The following LMTK2 variants were observed in gnomAD, a reference collection of about 807,000 sequenced individuals.
LMTK2 encodes lemur tail kinase 2.
Under a neutral mutation model 127.5 loss-of-function variants are expected in LMTK2, and 37 were observed. That is an observed-to-expected ratio of 0.29 (90% CI 0.22 to 0.38). The LOEUF is 0.38. Ranked by LOEUF, LMTK2 falls within the 10% of genes least tolerant of loss-of-function variation. The pLI is 1.00. For missense variants in LMTK2, 1,694 were observed against 1,920.3 expected, an observed-to-expected ratio of 0.88 and a Z score of 2.20; for synonymous variants, 819 against 810.1, an observed-to-expected ratio of 1.01 and a Z score of -0.19.
At chr7:98,151,313 A>G (rs1391489024) in intron 3 of LMTK2, 69 bp from the exon 4 acceptor site, 10 of 1,037,076 alleles carry the variant, frequency 9.6e-6, no homozygotes, top group African/African-American at 1.6e-5. Flanking sequence ...GTTAGTGTTC[A>G]TACTTTATAG....
chr7:98,135,638 G>A (rs1015208699), intron 1 of LMTK2, among the ~76,000 whole-genome samples: 2 of 152,108 alleles, frequency 1.3e-5, no homozygotes, highest in African/African-American at 4.8e-5. Context: ...GGATTTTAAG[G>A]AAAAGTTTAT....
chr7:98,138,125 G>A (rs566051201), intron 2 of LMTK2, among the ~76,000 whole-genome samples: 59 of 152,274 alleles, frequency 3.9e-4, no homozygotes, highest in Middle Eastern at 3.4e-3. Flanking sequence ...CATGCCTGCT[G>A]GAGTGCATTC....
chr7:98,150,903 T>G (rs1796843286), intron 3 of LMTK2, among the ~76,000 whole-genome samples: 1 of 152,184 alleles, frequency 6.6e-6, no homozygotes. Flanking sequence ...ATGGAGATGT[T>G]CCGTATTTTA....
In LMTK2 at chr7:98,137,316, G is replaced by A; in HGVS notation, c.105G>A (p.Gly35=). 6.2e-7 allele frequency: 1 copy of A among 1,606,964 alleles called. No homozygotes were observed. The highest frequency in any genetic ancestry group is 8.5e-7 in the Non-Finnish European group (1 of 1,177,978). Residue 35 remains glycine (G), a splice_region_variant and synonymous_variant, in exon 2 of 14, where the codon GGG becomes GGA. Coordinates refer to ENST00000297293, the MANE Select transcript of LMTK2 (RefSeq NM_014916.4). ...AATATTATTTATCTCTCTTTCCAGGGGAGGCGCCACCTGCTGCAGAAGTTT... is the reference window on the plus strand; with the variant it reads ...AATATTATTTATCTCTCTTTCCAGGAGAGGCGCCACCTGCTGCAGAAGTTT... ...GAAPLPQTGA[G]EAPPAAEVSS... is the part of the protein sequence containing the mutation.
chr7:98,168,922 C>T (rs1453083984), intron 6 of LMTK2, among the ~76,000 whole-genome samples: 1 of 152,034 alleles, frequency 6.6e-6, no homozygotes, highest in African/African-American at 2.4e-5. Flanking sequence ...TCTTGGTGAG[C>T]TTTTTTCTTT....
chr7:98,165,712 A>G (rs1242767302), intron 6 of LMTK2, among the ~76,000 whole-genome samples: 10 of 152,092 alleles, frequency 6.6e-5, no homozygotes, highest in Admixed American at 3.3e-4. Context: ...TTCTTTATGA[A>G]TGTAGTTATT....
chr7:98,107,151 C>G lies in LMTK2; in HGVS notation c.-27C>G. 1.4e-6 allele frequency: 2 copies of G among 1,409,446 alleles called. No homozygotes were observed. The highest frequency in any genetic ancestry group is 1.8e-6 in the Non-Finnish European group (2 of 1,087,346). 87.3% of individuals were successfully genotyped at this position (1,409,446 alleles called of 1,614,324 possible). A position where few individuals can be genotyped will look rare whatever the true frequency, so the allele number is the denominator to read the frequency against. On this transcript the variant is annotated 5_prime_UTR_variant, in exon 1 of 14. Coordinates refer to ENST00000297293, the MANE Select transcript of LMTK2 (RefSeq NM_014916.4). ...GACGGACGGAAGGCGACTCGAGGGC[C>G]GGCCCCGGAGCCGCGCCGTGGGCGA...
chr7:98,203,646 G>C lies in LMTK2; in HGVS notation c.4180G>C (p.Ala1394Pro). ...CGPDLSGPAP[A>P]SGSPYLSRCI... is the part of the protein sequence containing the mutation. The stretch of plus-strand genomic sequence containing the variant: ...CCCGGACCTGAGCGGCCCAGCCCCA[G>C]CCTCAGGCTCTCCCTACCTGAGCAG... Residue 1394 changes from alanine (A) to proline (P), a missense_variant, in exon 12 of 14, where the codon GCC becomes CCC. Transcript: ENST00000297293. 1.2e-6 allele frequency: 2 copies of C among 1,613,760 alleles called. No individual in the cohort carries two copies. Among genetic ancestry groups the C allele is most frequent in the Non-Finnish European group, 1.7e-6 (2 of 1,179,940 alleles).
chr7:98,115,455 A>G (rs1334504458), intron 1 of LMTK2, among the ~76,000 whole-genome samples: 2 of 151,994 alleles, frequency 1.3e-5, no homozygotes. Context: ...GAAAAAAAGA[A>G]AAGAAGGAAG....
chr7:98,179,225 GGA>G (rs1797316946), intron 7 of LMTK2, among the ~76,000 whole-genome samples: 1 of 152,230 alleles, frequency 6.6e-6, no homozygotes, highest in Admixed American at 6.5e-5. Flanking sequence ...ATGTTAGTAT[GGA>G]GAGAGAAGAG....
intron 1 of LMTK2, among the ~76,000 whole-genome samples, chr7:98,119,187 A>T (rs752075955): frequency 6.6e-6 from 1 of 152,190 alleles, no homozygotes; most frequent in Non-Finnish European, 1.5e-5. Context: ...CTGCATTTAT[A>T]ATAGTTTTCT....
rs199913172 is a variant in LMTK2 at position 98,192,990 on chromosome 7, C to G, written c.2525C>G (p.Pro842Arg). The G allele has an allele frequency of 3.1e-6, 5 of 1,614,106 alleles. No individual in the cohort carries two copies. In the East Asian group the frequency reaches 1.1e-4, roughly 36 times the overall value. ...DSLPTQGETQ[P>R]TCLDVIVPED... ...CTCCCAACACAGGGAGAAACCCAGC[C>G]CACGTGTTTAGATGTTATTGTCCCG... Residue 842 changes from proline to arginine, a missense_variant, in exon 11 of 14, where the codon CCC becomes CGC. Transcript: ENST00000297293.
intron 7 of LMTK2, among the ~76,000 whole-genome samples, chr7:98,172,559 C>T (rs1272870266): frequency 6.6e-6 from 1 of 152,140 alleles, no homozygotes; most frequent in Non-Finnish European, 1.5e-5. Context: ...TTATTCTCCT[C>T]TAGGCTTTTG....
rs1797814667 is a variant in LMTK2, at chr7:98,207,021, C to T, written c.*1529C>T. 1 of 152,238 alleles carries T rather than the reference C, an allele frequency of 6.6e-6. No homozygotes were observed. The highest frequency in any genetic ancestry group is 6.5e-5 in the Admixed American group (1 of 15,278). 9.4% of individuals were successfully genotyped at this position (152,238 alleles called of 1,614,324 possible). ...TCCCAGTGTAGCTTCGTCACATCGT[C>T]ACGAGCCCCTGTGGTCATGGGCGAC... On this transcript the variant is annotated 3_prime_UTR_variant, in exon 14 of 14. Transcript: ENST00000297293.
At position 98,191,920 on chromosome 7, in the gene LMTK2, C is replaced by G; in HGVS notation, c.1455C>G (p.His485Gln). 3 of 1,614,150 alleles carry G rather than the reference C, an allele frequency of 1.9e-6. No individual in the cohort carries two copies. The highest frequency in any genetic ancestry group is 1.7e-6 in the Non-Finnish European group (2 of 1,180,034). ...TCTGGGAGGCCGCTAAGCACGACCA[C>G]TTTGACGAGCGCAGCCGGGGCCACC... is the stretch of plus-strand genomic sequence containing the variant. The part of the protein sequence containing the change: ...EYVWEAAKHD[H>Q]FDERSRGHLD... Residue 485 changes from histidine to glutamine, a missense_variant, in exon 11 of 14, where the codon CAC (histidine) becomes CAG (glutamine). By Grantham distance (24) the His-to-Gln change is conservative. Transcript: ENST00000297293.
rs371772222 is a variant in LMTK2, at chr7:98,176,951, G to T, written c.791+5277G>T. On this transcript the variant is annotated intron_variant, in intron 7 of 13. Transcript: ENST00000297293. ...CCGTCTGTGTTACAGGTCAGGAGACGCAGGCACAGACAGGTATACTGACTT... is the reference window on the plus strand; with the variant it reads ...CCGTCTGTGTTACAGGTCAGGAGACTCAGGCACAGACAGGTATACTGACTT... Among the ~76,000 whole-genome samples, 21 of 152,226 alleles carry T rather than the reference G, an allele frequency of 1.4e-4. No individual in the cohort carries two copies. In the East Asian group the frequency reaches 3.7e-3, roughly 27 times the overall value.
rs898961761 is a variant in LMTK2, at chr7:98,106,907, G to C, written c.-271G>C. Reference sequence around the variant, plus strand: ...ATGGCGGCGGGAGCGCGGCTTCCCAGGCCCGCCGCTCCGCAGGGCTGCTGG... The same window carrying C: ...ATGGCGGCGGGAGCGCGGCTTCCCACGCCCGCCGCTCCGCAGGGCTGCTGG... On this transcript the variant is annotated 5_prime_UTR_variant, in exon 1 of 14. Transcript: ENST00000297293. 2 of 448,484 alleles carry C rather than the reference G, an allele frequency of 4.5e-6. No homozygotes were observed. The highest frequency in any genetic ancestry group is 2.0e-5 in the African/African-American group (1 of 48,790). 27.8% of individuals were successfully genotyped at this position (448,484 alleles called of 1,614,324 possible).
chr7:98,204,998 G>A (rs1036361445), intron 13 of LMTK2, among the ~76,000 whole-genome samples: 1 of 152,206 alleles, frequency 6.6e-6, no homozygotes, highest in African/African-American at 2.4e-5. Context: ...GGGTGAATGG[G>A]CAGGGGCCAT....
chr7:98,111,142 G>C (rs764232429), intron 1 of LMTK2, among the ~76,000 whole-genome samples: 1 of 152,144 alleles, frequency 6.6e-6, no homozygotes, highest in Non-Finnish European at 1.5e-5. Flanking sequence ...TAGGAAGTCC[G>C]TCTGCAGTTT....
Sources: gnomAD v4.1 joint callset for allele counts (sites outside exome capture counted in the v4.1 genomes callset) on GRCh38, gnomAD v4.1.1 for gene constraint, MANE v1.5 for transcripts, NCBI Gene and HGNC (gene_info 2026-07-23, HGNC 2026-07-21) for gene names.